KHDRBS2: variants seen among roughly 807,000 people sequenced by gnomAD.
KHDRBS2 encodes the protein KH RNA binding domain containing, signal transduction associated 2.
Under a neutral mutation model 44.3 loss-of-function variants are expected in KHDRBS2, and 26 were observed. The observed-to-expected ratio is 0.59, with a 90% confidence interval of 0.43 to 0.81. The LOEUF is 0.81. KHDRBS2 is among the 40% of genes least tolerant of loss of function. The pLI, the probability that KHDRBS2 is intolerant of heterozygous loss-of-function variation, is 0.00. For synonymous variants in KHDRBS2, 194 were observed against 151.1 expected, an observed-to-expected ratio of 1.28 and a Z score of -2.08; for missense variants, 476 against 433.1, an observed-to-expected ratio of 1.10 and a Z score of -0.88.
intron 6 of KHDRBS2, among the ~76,000 whole-genome samples, chr6:61,737,709 G>GCCATAAAA (rs1775586592): frequency 6.6e-6 from 1 of 151,980 alleles, no homozygotes; most frequent in African/African-American, 2.4e-5. Flanking sequence ...AGCCATAAAA[G>GCCATAAAA]GCATGGACTC....
At chr6:61,568,468 C>T in the KHDRBS2 span, among the ~76,000 whole-genome samples, 3 of 152,128 alleles carry the variant, frequency 2.0e-5, no homozygotes, top group Non-Finnish European at 4.4e-5. Context: ...CATGTGGAGA[C>T]TCACAGTATG....
chr6:61,791,855 A>G (rs1439529156), intron 6 of KHDRBS2, among the ~76,000 whole-genome samples: 4 of 151,338 alleles, frequency 2.6e-5, no homozygotes, highest in African/African-American at 4.8e-5. Context: ...AATATTTCCT[A>G]TTACTTTATA....
At chr6:61,653,023 A>T in the KHDRBS2 span, among the ~76,000 whole-genome samples, 1 of 152,090 alleles carries the variant, frequency 6.6e-6, no homozygotes, top group East Asian at 1.9e-4. Context: ...AGCTATTATA[A>T]ATGGAATAAA....
At chr6:61,775,141 T>C (rs1781728204) in intron 6 of KHDRBS2, among the ~76,000 whole-genome samples, 1 of 152,210 alleles carries the variant, frequency 6.6e-6, no homozygotes, top group African/African-American at 2.4e-5. Context: ...GGGATGTATC[T>C]CAAAATAATA....
chr6:61,650,064 T>C, the KHDRBS2 span, among the ~76,000 whole-genome samples: 23 of 152,266 alleles, frequency 1.5e-4, no homozygotes, highest in African/African-American at 5.5e-4. Context: ...CAATGACTCA[T>C]GCATGTTCTT....
intron 2 of KHDRBS2, among the ~76,000 whole-genome samples, chr6:62,173,523 T>A (rs1172317362): frequency 6.6e-6 from 1 of 152,012 alleles, no homozygotes; most frequent in Non-Finnish European, 1.5e-5. Context: ...GAAGAGCTGG[T>A]CCCATTCCTA....
chr6:61,808,102 C>A (rs1787458100), intron 6 of KHDRBS2, among the ~76,000 whole-genome samples: 2 of 151,970 alleles, frequency 1.3e-5, no homozygotes, highest in African/African-American at 4.8e-5. Context: ...CACTGGCAAA[C>A]CTATTTACTT....
chr6:61,814,000 G>C (rs1197561445), intron 6 of KHDRBS2: 1 of 455,850 alleles, frequency 2.2e-6, no homozygotes, highest in East Asian at 6.9e-5. Flanking sequence ...GCTTCGTCCT[G>C]GGTTAAGTCT....
At chr6:61,937,224 T>C (rs920781761) in intron 4 of KHDRBS2, among the ~76,000 whole-genome samples, 5 of 151,982 alleles carry the variant, frequency 3.3e-5, no homozygotes, top group Non-Finnish European at 5.9e-5. Flanking sequence ...TTTCAATTGG[T>C]TTTTTATTGT....
downstream of KHDRBS2, among the ~76,000 whole-genome samples, chr6:61,675,242 C>A (rs1421637417): frequency 6.6e-6 from 1 of 151,524 alleles, no homozygotes; most frequent in Non-Finnish European, 1.5e-5. Flanking sequence ...ATGTAAAGAC[C>A]TAAAAGAACA....
the KHDRBS2 span, among the ~76,000 whole-genome samples, chr6:61,638,189 G>A: frequency 2.1e-4 from 32 of 152,086 alleles, no homozygotes; most frequent in African/African-American, 7.0e-4. Flanking sequence ...AAAAGAGCCC[G>A]CATCACCAAG....
chr6:62,208,126 CA>C (rs1337680502), intron 1 of KHDRBS2, among the ~76,000 whole-genome samples: 1 of 152,104 alleles, frequency 6.6e-6, no homozygotes. Flanking sequence ...GAAGTGAGAT[CA>C]GGTAATATTT....
At chr6:62,172,643 C>T (rs1820255090) in intron 2 of KHDRBS2, among the ~76,000 whole-genome samples, 1 of 134,692 alleles carries the variant, frequency 7.4e-6, no homozygotes, top group Non-Finnish European at 1.5e-5. Context: ...TCTCTCTGCA[C>T]ATGGCACTTT....
At chr6:62,007,162 C>A (rs1040757776) in intron 3 of KHDRBS2, among the ~76,000 whole-genome samples, 45 of 152,022 alleles carry the variant, frequency 3.0e-4, no homozygotes, top group Non-Finnish European at 2.9e-4. Flanking sequence ...CAAATATTTC[C>A]CAATCCAGTT....
chr6:61,778,425 C>G (rs1216097180), intron 6 of KHDRBS2, among the ~76,000 whole-genome samples: 1 of 151,936 alleles, frequency 6.6e-6, no homozygotes, highest in Admixed American at 6.6e-5. Flanking sequence ...ATAATTTACC[C>G]AAAAAACATA....
the KHDRBS2 span, among the ~76,000 whole-genome samples, chr6:61,554,994 G>T: frequency 4.6e-5 from 7 of 151,968 alleles, no homozygotes; most frequent in Non-Finnish European, 8.8e-5. Flanking sequence ...TCCTGGAGGT[G>T]GTCTTCTTGT....
intron 2 of KHDRBS2, among the ~76,000 whole-genome samples, chr6:62,129,039 G>A (rs1400972749): frequency 6.6e-6 from 1 of 152,058 alleles, no homozygotes; most frequent in Non-Finnish European, 1.5e-5. Context: ...TATTCATGAA[G>A]TTGGATGTCA....
rs565416065 is a variant in KHDRBS2, at chr6:62,106,902, C to A, written c.220-58908G>T. On this transcript the variant is annotated intron_variant, in intron 2 of 8. Transcript: ENST00000281156. Reference sequence around the variant, plus strand: ...TGACAAAATTCAACAACACTTCATGCTAAAAACTCTCAATAAATTAGGTAT... The same window carrying A: ...TGACAAAATTCAACAACACTTCATGATAAAAACTCTCAATAAATTAGGTAT... 1.2e-4 allele frequency among the ~76,000 whole-genome samples: 18 copies of A among 151,830 alleles called. No homozygotes were observed. The East Asian group carries it at 2.5e-3, about 21-fold the overall frequency.
At chr6:61,783,231 TTTCCTATACA>T (rs1321086366) in intron 6 of KHDRBS2, among the ~76,000 whole-genome samples, 1 of 152,130 alleles carries the variant, frequency 6.6e-6, no homozygotes, top group Admixed American at 6.6e-5. Flanking sequence ...CTATCATTCA[TTTCCTATACA>T]TTCTCACAGA....
Sources: gnomAD v4.1 joint callset for allele counts (sites outside exome capture counted in the v4.1 genomes callset) on GRCh38, gnomAD v4.1.1 for gene constraint, MANE v1.5 for transcripts, NCBI Gene and HGNC (gene_info 2026-07-23, HGNC 2026-07-21) for gene names.